AFAP1: variants seen among roughly 807,000 people sequenced by gnomAD.
AFAP1 encodes actin filament associated protein 1.
Under a neutral mutation model 93.9 loss-of-function variants are expected in AFAP1, and 75 were observed. That is an observed-to-expected ratio of 0.80 (90% CI 0.66 to 0.97). The LOEUF is 0.97. Ranked by LOEUF, AFAP1 falls within the 50% of genes least tolerant of loss-of-function variation. AFAP1 has a pLI of 0.00. For synonymous variants in AFAP1, 517 were observed against 430.7 expected, an observed-to-expected ratio of 1.20 and a Z score of -2.48; for missense variants, 1,201 against 1,050.8, an observed-to-expected ratio of 1.14 and a Z score of -1.98.
At position 7,905,435 on chromosome 4, in the gene AFAP1, C is replaced by T. The variant is rs528982713; in HGVS notation, c.-2-33355G>A. On this transcript the variant is annotated intron_variant, in intron 1 of 17. Coordinates refer to ENST00000420658, the MANE Select transcript of AFAP1 (RefSeq NM_001134647.2). ...CTAATAAAACCACAAAAGGATAATA[C>T]ATTCATACAACAACAAATTAAATTC... is the stretch of plus-strand genomic sequence containing the variant. 2.0e-5 allele frequency among the ~76,000 whole-genome samples: 3 copies of T among 152,350 alleles called. No individual in the cohort carries two copies. In the East Asian group the frequency reaches 5.8e-4, roughly 29 times the overall value.
chr4:7,781,461 G>C lies in AFAP1; in HGVS notation c.1697C>G (p.Ser566Cys), dbSNP rs775526022. Residue 566 changes from serine to cysteine, a missense_variant, in exon 13 of 18, where the codon TCT becomes TGT. Ser to Cys is a moderately radical substitution (Grantham distance 112). Transcript: ENST00000420658. ...GGAGGCAGGGTATTTGTAATGGTTA[G>C]AGGACAGCTTGTCAGCAGACAGCCT... ...ASRLSADKLSSNHYKYPASAQ... is the reference protein window; with the variant it reads ...ASRLSADKLSCNHYKYPASAQ... 5.8e-5 allele frequency: 90 copies of C among 1,552,018 alleles called. No individual in the cohort carries two copies. Among genetic ancestry groups the C allele is most frequent in the Non-Finnish European group, 7.1e-5 (82 of 1,147,088 alleles).
chr4:7,897,545 C>T (rs956365084), intron 1 of AFAP1, among the ~76,000 whole-genome samples: 1 of 151,066 alleles, frequency 6.6e-6, no homozygotes, highest in African/African-American at 2.4e-5. Flanking sequence ...GTTTTTTTGA[C>T]ATGGAGTCTC....
At chr4:7,790,611 C>T (rs1266799719) in intron 11 of AFAP1, among the ~76,000 whole-genome samples, 1 of 151,920 alleles carries the variant, frequency 6.6e-6, no homozygotes, top group Non-Finnish European at 1.5e-5. Context: ...TTTATGTCTG[C>T]TAGTTGGGCA....
intron 1 of AFAP1, among the ~76,000 whole-genome samples, chr4:7,889,415 G>A (rs529888954): frequency 2.8e-4 from 43 of 151,670 alleles, no homozygotes; most frequent in Non-Finnish European, 4.7e-4. Context: ...AGGCGTGGTG[G>A]CACGTGCCTG....
intron 3 of AFAP1, 149 bp from the exon 4 acceptor site, chr4:7,855,723 A>G: frequency 2.9e-6 from 2 of 694,228 alleles, no homozygotes; most frequent in South Asian, 3.4e-5. Context: ...AGAGGCTTGG[A>G]AGGCCAGCCC....
intron 8 of AFAP1, among the ~76,000 whole-genome samples, chr4:7,813,199 A>G (rs2149058747): frequency 6.6e-6 from 1 of 152,358 alleles, no homozygotes; most frequent in South Asian, 2.1e-4. Context: ...CTGAGTTACC[A>G]CATGGCTGGG....
At chr4:7,842,322 A>C (rs991883043) in intron 5 of AFAP1, among the ~76,000 whole-genome samples, 1 of 132,772 alleles carries the variant, frequency 7.5e-6, no homozygotes. Flanking sequence ...AAAAAAAAAA[A>C]GATAAAAAAA....
At chr4:7,903,208 TA>T (rs1719214412) in intron 1 of AFAP1, among the ~76,000 whole-genome samples, 1 of 151,820 alleles carries the variant, frequency 6.6e-6, no homozygotes, top group African/African-American at 2.4e-5. Context: ...AAATATTGAC[TA>T]ACTATCTAGG....
intron 14 of AFAP1, chr4:7,776,885 C>T (rs564297549): frequency 2.4e-4 from 37 of 152,318 alleles, no homozygotes; most frequent in African/African-American, 8.7e-4. Context: ...CTATAAATTT[C>T]CACATCTTTT....
At chr4:7,919,788 T>C (rs1435251102) in intron 1 of AFAP1, among the ~76,000 whole-genome samples, 3 of 152,062 alleles carry the variant, frequency 2.0e-5, no homozygotes, top group Non-Finnish European at 4.4e-5. Context: ...CCTAACACTC[T>C]CCCTCCCCTC....
chr4:7,929,833 C>G (rs1277555786), intron 1 of AFAP1, among the ~76,000 whole-genome samples: 1 of 152,218 alleles, frequency 6.6e-6, no homozygotes, highest in Non-Finnish European at 1.5e-5. Context: ...ACAGCAGGAA[C>G]AGCCCCTGCC....
intron 6 of AFAP1, among the ~76,000 whole-genome samples, chr4:7,825,118 T>A (rs536825342): frequency 6.6e-6 from 1 of 152,336 alleles, no homozygotes; most frequent in Admixed American, 6.5e-5. Context: ...GTTCTAAGAA[T>A]GCATTTATAT....
chr4:7,855,654 G>A, intron 3 of AFAP1, 80 bp from the exon 4 acceptor site: 1 of 1,146,464 alleles, frequency 8.7e-7, no homozygotes, highest in South Asian at 1.3e-5. Flanking sequence ...AACAGGTGTG[G>A]CCAGTCTTTT....
intron 17 of AFAP1, among the ~76,000 whole-genome samples, chr4:7,768,498 G>A (rs1714939143): frequency 6.6e-6 from 1 of 152,100 alleles, no homozygotes; most frequent in South Asian, 2.1e-4. Flanking sequence ...TGCTGAAGAG[G>A]ACTTCAGCGG....
intron 1 of AFAP1, among the ~76,000 whole-genome samples, chr4:7,895,326 T>C (rs1204555468): frequency 6.6e-6 from 1 of 152,230 alleles, no homozygotes; most frequent in East Asian, 1.9e-4. Context: ...TTTAGCACAG[T>C]CCTTAGCTCG....
intron 6 of AFAP1, among the ~76,000 whole-genome samples, chr4:7,831,157 T>C (rs890640765): frequency 6.6e-6 from 1 of 152,130 alleles, no homozygotes; most frequent in Non-Finnish European, 1.5e-5. Context: ...TGGAAGAAAC[T>C]ACACTAGCCC....
At chr4:7,804,155 C>G (rs574415790) in intron 9 of AFAP1, among the ~76,000 whole-genome samples, 2 of 152,172 alleles carry the variant, frequency 1.3e-5, no homozygotes, top group Admixed American at 1.3e-4. Context: ...ACCCGGACCC[C>G]AAGTCATGTC....
intron 3 of AFAP1, among the ~76,000 whole-genome samples, chr4:7,856,761 G>C (rs1372463999): frequency 6.6e-6 from 1 of 152,136 alleles, no homozygotes; most frequent in Non-Finnish European, 1.5e-5. Flanking sequence ...GGACTTGCTG[G>C]TGTGTCTCTC....
intron 1 of AFAP1, among the ~76,000 whole-genome samples, chr4:7,920,124 C>A (rs1267798881): frequency 6.6e-6 from 1 of 152,180 alleles, no homozygotes; most frequent in East Asian, 1.9e-4. Flanking sequence ...ATCTTTGTAA[C>A]ATAATGACTT....
Sources: allele counts gnomAD v4.1 joint callset (sites outside exome capture counted in the v4.1 genomes callset), GRCh38; gene constraint gnomAD v4.1.1; transcripts MANE v1.5; gene names NCBI Gene and HGNC (gene_info 2026-07-23, HGNC 2026-07-21).